Variants in PHACTR1 observed in about 807,000 individuals in gnomAD.
PHACTR1 encodes the protein RPEL repeat containing 1.
Under a neutral mutation model 69.2 loss-of-function variants are expected in PHACTR1, and 16 were observed. The ratio of observed to expected loss-of-function variants is 0.23; its 90% confidence interval spans 0.16 to 0.35. The LOEUF (loss-of-function observed/expected upper bound fraction) is 0.35. Among genes scored for constraint, PHACTR1 ranks in the 10% least tolerant of loss-of-function variants. The probability of loss-of-function intolerance (pLI) is 1.00; values close to 1 mark genes in which losing one functional copy is unlikely to be tolerated. For synonymous variants in PHACTR1, 312 were observed against 284.5 expected (o/e 1.10, Z -0.97); for missense variants, 510 against 734.7 (o/e 0.69, Z 3.54).
At position 13,221,966 on chromosome 6, in the gene PHACTR1, C is replaced by T. The variant is rs1432946027; in HGVS notation, c.987-5850C>T. ...CAGAGAATTGCTTGAATCCAGGAGG[C>T]GGAGGTTGCAGTGAGCCGAGATCAC... On this transcript the variant is annotated intron_variant, in intron 8 of 14. Coordinates refer to ENST00000332995, the MANE Select transcript of PHACTR1 (RefSeq NM_030948.6). Among the ~76,000 whole-genome samples the T allele has an allele frequency of 4.0e-5, 6 of 151,202 alleles. 1 individual carries two copies. Among genetic ancestry groups the T allele is most frequent in the South Asian group, 4.2e-4 (2 of 4,792 alleles).
intron 4 of PHACTR1, among the ~76,000 whole-genome samples, chr6:12,900,283 C>A (rs964559895): frequency 6.6e-6 from 1 of 151,934 alleles, no homozygotes; most frequent in Non-Finnish European, 1.5e-5. Context: ...TTTAGCTCAT[C>A]ATTTTTTTTT....
At chr6:13,116,217 T>G (rs1817800752) in intron 5 of PHACTR1, among the ~76,000 whole-genome samples, 1 of 152,202 alleles carries the variant, frequency 6.6e-6, no homozygotes. Context: ...TGGAGGAACA[T>G]GCATTAAATT....
chr6:12,936,754 A>G (rs1789495604), intron 4 of PHACTR1, among the ~76,000 whole-genome samples: 1 of 152,244 alleles, frequency 6.6e-6, no homozygotes, highest in Non-Finnish European at 1.5e-5. Context: ...AGCTCCTTTG[A>G]GATTTAGGCA....
intron 4 of PHACTR1, among the ~76,000 whole-genome samples, chr6:12,927,135 T>C (rs182912067): frequency 1.6e-4 from 25 of 152,354 alleles, no homozygotes; most frequent in Admixed American, 7.8e-4. Flanking sequence ...GATTGTTTGC[T>C]GAACAAGGAC....
At chr6:13,280,719 T>A (rs1448327481) in intron 12 of PHACTR1, 8 of 328,952 alleles carry the variant, frequency 2.4e-5, no homozygotes, top group Non-Finnish European at 4.2e-5. Context: ...TTTGTCTTTT[T>A]AAAAAAGACA....
chr6:13,255,716 G>C (rs1775089586), intron 10 of PHACTR1, among the ~76,000 whole-genome samples: 1 of 152,232 alleles, frequency 6.6e-6, no homozygotes, highest in Admixed American at 6.5e-5. Context: ...AATCTCTTTT[G>C]ACTCCATGTC....
chr6:13,138,010 G>A (rs879622839), intron 5 of PHACTR1, among the ~76,000 whole-genome samples: 1 of 152,200 alleles, frequency 6.6e-6, no homozygotes, highest in Non-Finnish European at 1.5e-5. Context: ...CTAATTAAAG[G>A]CAGTGAGATG....
intron 4 of PHACTR1, among the ~76,000 whole-genome samples, chr6:12,806,022 C>A (rs1272354464): frequency 1.3e-5 from 2 of 152,156 alleles, no homozygotes; most frequent in African/African-American, 4.8e-5. Context: ...TTCCCAAATC[C>A]CAATTTTATG....
At chr6:12,914,921 T>C (rs1786807360) in intron 4 of PHACTR1, among the ~76,000 whole-genome samples, 2 of 152,100 alleles carry the variant, frequency 1.3e-5, no homozygotes, top group African/African-American at 4.8e-5. Flanking sequence ...TTTGGCTGAG[T>C]TGTCCACACC....
chr6:12,788,816 C>T (rs1359541013), intron 4 of PHACTR1, among the ~76,000 whole-genome samples: 1 of 152,058 alleles, frequency 6.6e-6, no homozygotes, highest in Non-Finnish European at 1.5e-5. Flanking sequence ...CCTAAAGTAA[C>T]AAGAGGAGGC....
At chr6:13,086,083 T>TAAAAAAAAAAAAAAAAAA (rs776154642) in intron 5 of PHACTR1, among the ~76,000 whole-genome samples, 1 of 60,266 alleles carries the variant, frequency 1.7e-5, no homozygotes, top group African/African-American at 8.4e-5. Context: ...TACACATTTC[T>TAAAAAAAAAAAAAAAAAA]AAAAAAAAAA....
intron 4 of PHACTR1, among the ~76,000 whole-genome samples, chr6:12,938,314 G>GA (rs1046998995): frequency 2.5e-4 from 38 of 152,028 alleles, no homozygotes; most frequent in African/African-American, 7.5e-4. Context: ...ACAGAGCCAG[G>GA]AAAAAATGAG....
At chr6:12,844,745 G>A (rs1253577808) in intron 4 of PHACTR1, among the ~76,000 whole-genome samples, 1 of 151,748 alleles carries the variant, frequency 6.6e-6, no homozygotes, top group African/African-American at 2.4e-5. Flanking sequence ...AGAATTAAAG[G>A]TGAAAGAAAA....
intron 4 of PHACTR1, among the ~76,000 whole-genome samples, chr6:12,766,661 A>G (rs1342450879): frequency 6.6e-6 from 1 of 152,244 alleles, no homozygotes; most frequent in African/African-American, 2.4e-5. Context: ...TTACCAGCAC[A>G]CCAGTGCTCA....
At chr6:13,152,476 G>C (rs1019528135) in intron 5 of PHACTR1, among the ~76,000 whole-genome samples, 20 of 152,164 alleles carry the variant, frequency 1.3e-4, no homozygotes, top group African/African-American at 4.1e-4. Flanking sequence ...AGACTGACAT[G>C]GTGGCTCAGA....
intron 4 of PHACTR1, among the ~76,000 whole-genome samples, chr6:13,044,122 T>C (rs771413891): frequency 6.6e-6 from 1 of 152,108 alleles, no homozygotes; most frequent in Non-Finnish European, 1.5e-5. Context: ...TTTATAATTT[T>C]AAATTTAAAT....
At chr6:13,022,793 G>C (rs1801156996) in intron 4 of PHACTR1, among the ~76,000 whole-genome samples, 1 of 152,114 alleles carries the variant, frequency 6.6e-6, no homozygotes, top group African/African-American at 2.4e-5. Flanking sequence ...GAGATGGGTG[G>C]ATCGCTTGAG....
intron 4 of PHACTR1, among the ~76,000 whole-genome samples, chr6:12,979,980 C>T (rs538708053): frequency 6.6e-6 from 1 of 152,264 alleles, no homozygotes; most frequent in African/African-American, 2.4e-5. Flanking sequence ...GATGAAATCA[C>T]TTTCACAATT....
At chr6:12,972,654 C>CTT (rs763016264) in intron 4 of PHACTR1, among the ~76,000 whole-genome samples, 1 of 22,310 alleles carries the variant, frequency 4.5e-5, no homozygotes, top group African/African-American at 1.5e-4. Flanking sequence ...TTCTTTCTTT[C>CTT]TTTTTTTTTT....
Sources: gnomAD v4.1 joint callset for allele counts (sites outside exome capture counted in the v4.1 genomes callset) on GRCh38, gnomAD v4.1.1 for gene constraint, MANE v1.5 for transcripts, NCBI Gene and HGNC (gene_info 2026-07-23, HGNC 2026-07-21) for gene names.